DLG2: variants seen among roughly 807,000 people sequenced by gnomAD.
DLG2 encodes the protein discs large MAGUK scaffold protein 2.
DLG2 carries 45 observed loss-of-function variants against 132.5 expected under a neutral mutation model. The ratio of observed to expected loss-of-function variants is 0.34; its 90% CI spans 0.27 to 0.44. DLG2 has a LOEUF of 0.44. Among genes scored for constraint, DLG2 ranks in the 20% least tolerant of loss-of-function variants. DLG2 has a pLI of 1.00. For synonymous variants in DLG2, 424 were observed against 419.6 expected, an observed-to-expected ratio of 1.01 and a Z score of -0.13; for missense variants, 1,045 against 1,196.9, an observed-to-expected ratio of 0.87 and a Z score of 1.87.
intron 24 of DLG2, among the ~76,000 whole-genome samples, chr11:83,470,590 T>C (rs2091902354): frequency 6.6e-6 from 1 of 152,222 alleles, no homozygotes; most frequent in African/African-American, 2.4e-5. Flanking sequence ...GGAAGCTTGC[T>C]GTAAACGACC....
chr11:83,916,336 A>G (rs1328963522), intron 15 of DLG2, among the ~76,000 whole-genome samples: 1 of 151,092 alleles, frequency 6.6e-6, no homozygotes, highest in Non-Finnish European at 1.5e-5. Flanking sequence ...GTTTTTTGAG[A>G]CAAAAGTCTT....
Position 85,322,706 on chromosome 11 carries a change from A to C in DLG2, c.41-37341T>G, listed in dbSNP as rs117471346. On this transcript the variant is annotated intron_variant, in intron 3 of 27. Coordinates refer to ENST00000376104, the MANE Select transcript of DLG2 (RefSeq NM_001142699.3). The stretch of plus-strand genomic sequence containing the variant: ...CTTACATCCAGAAATATTTCCACTG[A>C]TCACCCAGTTGCTCTGTCAGAGACT... 2.3e-3 allele frequency among the ~76,000 whole-genome samples: 350 copies of C among 152,260 alleles called. 2 individuals are homozygous for C. Among genetic ancestry groups the C allele is most frequent in the East Asian group, 0.016 (81 of 5,192 alleles).
At chr11:83,780,327 C>T (rs1294072664) in intron 18 of DLG2, among the ~76,000 whole-genome samples, 1 of 152,094 alleles carries the variant, frequency 6.6e-6, no homozygotes, top group East Asian at 1.9e-4. Flanking sequence ...CCGTGGTGTC[C>T]AACTGTGGTT....
chr11:83,821,094 G>C (rs1350157413), intron 17 of DLG2, among the ~76,000 whole-genome samples: 3 of 152,210 alleles, frequency 2.0e-5, no homozygotes, highest in African/African-American at 7.2e-5. Context: ...GGGATGCAAT[G>C]ATGATGCAGA....
chr11:83,457,508 T>G lies in DLG2; in HGVS notation c.*2310A>C, dbSNP rs1053565791. 2.0e-5 allele frequency: 3 copies of G among 152,650 alleles called. No individual in the cohort carries two copies. Among genetic ancestry groups the G allele is most frequent in the African/African-American group, 7.2e-5 (3 of 41,448 alleles). 9.5% of individuals were successfully genotyped at this position (152,650 alleles called of 1,614,324 possible). A position where few individuals can be genotyped will look rare whatever the true frequency, so the allele number is the denominator to read the frequency against. On this transcript the variant is annotated 3_prime_UTR_variant, in exon 28 of 28. Transcript: ENST00000376104. ...TACACTAGGAAAATAAATAGTTATA[T>G]TACTACAAAACCAAGGGTTGGTGGT...
At chr11:85,103,329 G>A (rs752858875) in intron 6 of DLG2, among the ~76,000 whole-genome samples, 8 of 151,828 alleles carry the variant, frequency 5.3e-5, no homozygotes, top group East Asian at 1.9e-4. Flanking sequence ...CAGAGTTGGC[G>A]TCTCACACTA....
At chr11:83,587,597 G>A (rs752640079) in intron 19 of DLG2, among the ~76,000 whole-genome samples, 1 of 152,164 alleles carries the variant, frequency 6.6e-6, no homozygotes, top group Non-Finnish European at 1.5e-5. Flanking sequence ...TATATATAGA[G>A]AGAGTTTCTC....
At chr11:83,974,272 T>C (rs1336440572) in intron 12 of DLG2, among the ~76,000 whole-genome samples, 1 of 152,098 alleles carries the variant, frequency 6.6e-6, no homozygotes, top group Non-Finnish European at 1.5e-5. Flanking sequence ...GGCAATTTTG[T>C]AGATTTACCA....
chr11:85,175,365 C>G (rs1783814269), intron 4 of DLG2, among the ~76,000 whole-genome samples: 2 of 151,892 alleles, frequency 1.3e-5, no homozygotes, highest in Admixed American at 1.3e-4. Flanking sequence ...CTAAAGAAAC[C>G]ACGTGATTTT....
intron 18 of DLG2, among the ~76,000 whole-genome samples, chr11:83,710,642 G>C (rs1403294526): frequency 6.6e-6 from 1 of 152,156 alleles, no homozygotes; most frequent in African/African-American, 2.4e-5. Flanking sequence ...TCTATTTGCA[G>C]ATGTGGACGG....
intron 8 of DLG2, among the ~76,000 whole-genome samples, chr11:84,227,512 T>C (rs983668790): frequency 3.3e-5 from 5 of 152,198 alleles, no homozygotes; most frequent in African/African-American, 1.2e-4. Flanking sequence ...AGAATATAGT[T>C]ATTTGTTCAC....
intron 6 of DLG2, among the ~76,000 whole-genome samples, chr11:84,940,151 T>C (rs991099836): frequency 1.3e-5 from 2 of 152,132 alleles, no homozygotes; most frequent in Non-Finnish European, 2.9e-5. Context: ...CACATTTTAG[T>C]TGTGATTTGC....
At chr11:84,163,371 T>G in intron 9 of DLG2, 90 bp downstream of exon 9, 1 of 1,212,060 alleles carries the variant, frequency 8.3e-7, no homozygotes, top group Non-Finnish European at 1.2e-6. Flanking sequence ...TAAAACACAA[T>G]TGTATAATTT....
intron 6 of DLG2, among the ~76,000 whole-genome samples, chr11:84,773,717 G>T (rs1048702062): frequency 6.6e-6 from 1 of 152,092 alleles, no homozygotes; most frequent in Non-Finnish European, 1.5e-5. Context: ...GGTGGAAAAA[G>T]ATTTCAGTAA....
intron 3 of DLG2, among the ~76,000 whole-genome samples, chr11:85,490,362 CTAGT>C (rs2093528416): frequency 2.0e-5 from 3 of 151,620 alleles, no homozygotes; most frequent in African/African-American, 4.8e-5. Context: ...AATCTAACAA[CTAGT>C]TAGATTGAAC....
chr11:85,508,516 C>A (rs1267559208), intron 3 of DLG2, among the ~76,000 whole-genome samples: 1 of 151,992 alleles, frequency 6.6e-6, no homozygotes, highest in Non-Finnish European at 1.5e-5. Context: ...GTGGTGCTTA[C>A]CAGCTGACCT....
chr11:84,388,169 A>T (rs544473041), intron 7 of DLG2, among the ~76,000 whole-genome samples: 1 of 152,230 alleles, frequency 6.6e-6, no homozygotes, highest in African/African-American at 2.4e-5. Flanking sequence ...GATACACAGA[A>T]TTCCAATAAT....
chr11:83,614,338 A>G (rs1484391036), intron 19 of DLG2, among the ~76,000 whole-genome samples: 1 of 152,256 alleles, frequency 6.6e-6, no homozygotes, highest in East Asian at 1.9e-4. Context: ...AATGAATGTT[A>G]CAGAGACTCA....
At chr11:84,984,736 A>G (rs1283988441) in intron 6 of DLG2, among the ~76,000 whole-genome samples, 1 of 152,186 alleles carries the variant, frequency 6.6e-6, no homozygotes, top group Non-Finnish European at 1.5e-5. Flanking sequence ...TGCTGCCTTC[A>G]AGAGACACAC....
Sources: allele counts gnomAD v4.1 joint callset (sites outside exome capture counted in the v4.1 genomes callset), GRCh38; gene constraint gnomAD v4.1.1; transcripts MANE v1.5; gene names NCBI Gene and HGNC (gene_info 2026-07-23, HGNC 2026-07-21).